Variants in ZNF277 observed in about 807,000 individuals in gnomAD.
The protein encoded by ZNF277 is nuclear receptor-interacting factor 4.
Under a neutral mutation model 60.7 loss-of-function variants are expected in ZNF277, and 55 were observed. The ratio of observed to expected loss-of-function variants is 0.91; its 90% CI spans 0.73 to 1.13. ZNF277 has a LOEUF of 1.13. ZNF277 is among the 50% of genes most tolerant of loss of function. The pLI, the probability that ZNF277 is intolerant of heterozygous loss-of-function variation, is 0.00. For missense variants in ZNF277, 510 were observed against 523.0 expected, an observed-to-expected ratio of 0.98 and a Z score of 0.24; for synonymous variants, 178 against 179.3, an observed-to-expected ratio of 0.99 and a Z score of 0.06.
intron 1 of ZNF277, among the ~76,000 whole-genome samples, chr7:112,230,149 G>A (rs1822283700): frequency 6.6e-6 from 1 of 152,196 alleles, no homozygotes; most frequent in Admixed American, 6.5e-5. Context: ...GTGGCTGGCT[G>A]GGCGCAGTGG....
chr7:112,309,469 A>G (rs909692486), intron 4 of ZNF277, among the ~76,000 whole-genome samples: 1 of 151,958 alleles, frequency 6.6e-6, no homozygotes, highest in African/African-American at 2.4e-5. Flanking sequence ...GTACTGCATC[A>G]TGACAATCCA....
At chr7:112,333,477 A>G (rs527708574) in intron 7 of ZNF277, among the ~76,000 whole-genome samples, 1 of 152,326 alleles carries the variant, frequency 6.6e-6, no homozygotes, top group Admixed American at 6.5e-5. Context: ...GACCTCTCCT[A>G]TAGCAGATAT....
chr7:112,265,211 A>C (rs1791522724), intron 1 of ZNF277, among the ~76,000 whole-genome samples: 1 of 152,120 alleles, frequency 6.6e-6, no homozygotes, highest in Non-Finnish European at 1.5e-5. Flanking sequence ...TTGCCTTTCC[A>C]CTAACCTTAA....
rs869082099 is a variant in ZNF277 at position 112,208,674 on chromosome 7, A to ATTTTTTTTTTTTTTTTTTTTTTTTTTT, written c.91+1891_91+1892insTTTTTTTTTTTTTTTTTTTTTTTTTTT. The stretch of plus-strand genomic sequence containing the variant: ...ATATGACACACGTCTGTATGATTTG[A>ATTTTTTTTTTTTTTTTTTTTTTTTTTT]TTTTTTTTTTTTTTTTTTTTTTTTG... On this transcript the variant is annotated intron_variant, in intron 1 of 11. Coordinates refer to ENST00000361822, the MANE Select transcript of ZNF277 (RefSeq NM_021994.3). Among the ~76,000 whole-genome samples the ATTTTTTTTTTTTTTTTTTTTTTTTTTT allele has an allele frequency of 3.2e-4, 23 of 72,808 alleles. 3 individuals are homozygous for ATTTTTTTTTTTTTTTTTTTTTTTTTTT. The highest frequency in any genetic ancestry group is 6.6e-4 in the African/African-American group (11 of 16,736). 47.8% of individuals were successfully genotyped at this position (72,808 alleles called of 152,430 possible).
chr7:112,329,381 A>G (rs1250556633), intron 6 of ZNF277, among the ~76,000 whole-genome samples: 1 of 152,196 alleles, frequency 6.6e-6, no homozygotes, highest in Non-Finnish European at 1.5e-5. Context: ...ACTGGTAATC[A>G]CTGCTTCATT....
rs1791694013 is a variant in ZNF277 at position 112,272,474 on chromosome 7, AGTT to A, written c.92-14395_92-14393del. On this transcript the variant is annotated intron_variant, in intron 1 of 11. Transcript: ENST00000361822. ...TGGATCACATAGTAGTTCTATTTTT[AGTT>A]GTTTTTGTTTGTTTGTTTCTTTGTT... Among the ~76,000 whole-genome samples the A allele has an allele frequency of 9.9e-5, 15 of 152,062 alleles. 1 individual carries two copies. In the South Asian group the frequency reaches 3.1e-3, roughly 32 times the overall value.
At chr7:112,235,221 G>T (rs552003450) in intron 1 of ZNF277, among the ~76,000 whole-genome samples, 1 of 151,626 alleles carries the variant, frequency 6.6e-6, no homozygotes, top group African/African-American at 2.4e-5. Context: ...AATTTATTTT[G>T]TGGTAAATGG....
intron 1 of ZNF277, among the ~76,000 whole-genome samples, chr7:112,262,156 C>A (rs1791451763): frequency 6.6e-6 from 1 of 150,804 alleles, no homozygotes; most frequent in Non-Finnish European, 1.5e-5. Flanking sequence ...CTCCTTCCTA[C>A]AATCTGCCCT....
chr7:112,244,666 T>C (rs1033280466), intron 1 of ZNF277, among the ~76,000 whole-genome samples: 4 of 152,158 alleles, frequency 2.6e-5, no homozygotes, highest in Non-Finnish European at 5.9e-5. Flanking sequence ...CATATACATA[T>C]ATAGTTTTCT....
intron 1 of ZNF277, among the ~76,000 whole-genome samples, chr7:112,240,091 CA>C (rs1170058257): frequency 6.6e-6 from 1 of 151,954 alleles, no homozygotes; most frequent in Admixed American, 6.6e-5. Flanking sequence ...AATCTCAAAT[CA>C]AAAAGCCTAC....
chr7:112,252,523 A>G (rs1311950003), intron 1 of ZNF277, among the ~76,000 whole-genome samples: 2 of 152,174 alleles, frequency 1.3e-5, no homozygotes, highest in Middle Eastern at 3.2e-3. Flanking sequence ...TACTTTATAC[A>G]TATATACCCG....
At chr7:112,292,948 T>C (rs185897316) in intron 2 of ZNF277, among the ~76,000 whole-genome samples, 1,935 of 145,194 alleles carry the variant, frequency 0.013, 43 homozygotes, top group African/African-American at 0.053. Context: ...CTTAGTCTTA[T>C]TTAAATATGT....
At position 112,341,030 on chromosome 7, in the gene ZNF277, A is replaced by C; in HGVS notation, c.1168A>C (p.Thr390Pro). The C allele has an allele frequency of 1.2e-6, 2 of 1,603,760 alleles. No homozygotes were observed. Among genetic ancestry groups the C allele is most frequent in the Non-Finnish European group, 1.7e-6 (2 of 1,175,694 alleles). ...CACTTCGCTGCTCCCCGATAGAAAG[A>C]CGTGGGATCAACTGGAGTACGTACT... The part of the protein sequence containing the change: ...KHTSLLPDRK[T>P]WDQLEYYFPT... Residue 390 changes from threonine to proline, a missense_variant, in exon 11 of 12, where the codon ACG becomes CCG. By Grantham distance (38) the Thr-to-Pro change is conservative. Coordinates refer to ENST00000361822, the MANE Select transcript of ZNF277 (RefSeq NM_021994.3).
chr7:112,341,427 T>C (rs1793442878), intron 11 of ZNF277, among the ~76,000 whole-genome samples: 1 of 152,184 alleles, frequency 6.6e-6, no homozygotes, highest in South Asian at 2.1e-4. Context: ...TAATCTATTC[T>C]GCGAGATACT....
At chr7:112,221,874 G>A (rs1481263010) in intron 1 of ZNF277, among the ~76,000 whole-genome samples, 1 of 152,202 alleles carries the variant, frequency 6.6e-6, no homozygotes, top group East Asian at 1.9e-4. Flanking sequence ...TTATTGTGTT[G>A]AGGTAGATTC....
chr7:112,302,747 A>G (rs1253923904), intron 4 of ZNF277, among the ~76,000 whole-genome samples: 1 of 152,064 alleles, frequency 6.6e-6, no homozygotes, highest in East Asian at 1.9e-4. Context: ...GAGTGAGATC[A>G]GGCAGGAAAT....
intron 4 of ZNF277, among the ~76,000 whole-genome samples, chr7:112,299,540 A>C (rs1383667524): frequency 6.6e-6 from 1 of 152,210 alleles, no homozygotes; most frequent in African/African-American, 2.4e-5. Flanking sequence ...AAGACTTTAC[A>C]GCCAGAGGGT....
intron 4 of ZNF277, among the ~76,000 whole-genome samples, chr7:112,315,204 G>A (rs1261921251): frequency 1.3e-5 from 2 of 152,084 alleles, no homozygotes; most frequent in South Asian, 2.1e-4. Flanking sequence ...GATATTGGAA[G>A]CTACTTTTTC....
intron 4 of ZNF277, among the ~76,000 whole-genome samples, chr7:112,307,417 CT>C (rs1184993395): frequency 6.6e-6 from 1 of 151,458 alleles, no homozygotes; most frequent in Non-Finnish European, 1.5e-5. Flanking sequence ...GAATTTATTT[CT>C]TTTTTTTGTT....
Sources: gnomAD v4.1 joint callset for allele counts (sites outside exome capture counted in the v4.1 genomes callset) on GRCh38, gnomAD v4.1.1 for gene constraint, MANE v1.5 for transcripts, NCBI Gene and HGNC (gene_info 2026-07-23, HGNC 2026-07-21) for gene names.